TFAP2C: variants seen among roughly 807,000 people sequenced by gnomAD.
The protein encoded by TFAP2C is activating enhancer-binding protein 2 gamma.
Under a neutral mutation model 42.9 loss-of-function variants are expected in TFAP2C, and 9 were observed. The ratio of observed to expected loss-of-function variants is 0.21; its 90% confidence interval spans 0.13 to 0.37. The LOEUF (loss-of-function observed/expected upper bound fraction) is 0.37. Ranked by LOEUF, TFAP2C falls within the 10% of genes least tolerant of loss-of-function variation. The pLI, the probability that TFAP2C is intolerant of heterozygous loss-of-function variation, is 1.00. For missense variants in TFAP2C, 462 were observed against 591.7 expected (o/e 0.78, Z 2.27); for synonymous variants, 264 against 256.0 (o/e 1.03, Z -0.30).
At chr20:56,635,002 G>A (rs1235336004) in intron 5 of TFAP2C, among the ~76,000 whole-genome samples, 1 of 152,218 alleles carries the variant, frequency 6.6e-6, no homozygotes, top group African/African-American at 2.4e-5. Context: ...AGAGTTGGAC[G>A]CTGAGAGAGG....
In TFAP2C at chr20:56,636,671, A is replaced by G. The variant is rs1568753271; in HGVS notation, c.984A>G (p.Lys328=). Residue 328 remains lysine (K), a synonymous_variant, in exon 6 of 7, where the codon AAA becomes AAG. Transcript: ENST00000201031. ...TCTGTGAAGCCGAATTTCCTAGTAA[A>G]CCAGTGGCAGAATATTTAACCAGAC... ...AYVCEAEFPS[K]PVAEYLTRPH... is the part of the protein sequence containing the mutation. 6.2e-7 allele frequency: 1 copy of G among 1,614,164 alleles called. No individual in the cohort carries two copies. The highest frequency in any genetic ancestry group is 8.5e-7 in the Non-Finnish European group (1 of 1,180,034).
chr20:56,636,463 T>G (rs1987584927), intron 5 of TFAP2C, 147 bp from the exon 6 acceptor site: 1 of 770,752 alleles, frequency 1.3e-6, no homozygotes, highest in Non-Finnish European at 2.0e-6. Flanking sequence ...GAGGTGGAGG[T>G]TGCAGTGAGC....
chr20:56,634,613 T>C (rs750745972), intron 5 of TFAP2C, among the ~76,000 whole-genome samples: 55 of 152,178 alleles, frequency 3.6e-4, no homozygotes, highest in Non-Finnish European at 7.1e-4. Flanking sequence ...GATCATTTGG[T>C]ACACCTTGAG....
chr20:56,631,699 C>T lies in TFAP2C; in HGVS notation c.534+9C>T. ...AGATGGACGAGGTGCAGGTGAGCGG[C>T]GCTGCGGCTCCTGACCGGACCTGTT... On this transcript the variant is annotated intron_variant, in intron 2 of 6. Coordinates refer to ENST00000201031, the MANE Select transcript of TFAP2C (RefSeq NM_003222.4). This position sits in a 1 kb window ranked among gnomAD's most constrained non-coding sequence, Gnocchi z 6.1. 2 of 1,594,294 alleles carry T rather than the reference C, an allele frequency of 1.3e-6. No homozygotes were observed. Among genetic ancestry groups the T allele is most frequent in the South Asian group, 1.1e-5 (1 of 88,146 alleles).
rs945700531 is a variant in TFAP2C at position 56,630,708 on chromosome 20, C to T, written c.49-497C>T. 2 of 985,226 alleles carry T rather than the reference C, an allele frequency of 2.0e-6. No individual in the cohort carries two copies. The highest frequency in any genetic ancestry group is 3.5e-5 in the African/African-American group (2 of 57,234). 61.0% of individuals were successfully genotyped at this position (985,226 alleles called of 1,614,324 possible). Reference sequence around the variant, plus strand: ...CCCGAGGGCGTGGAAGGGAGGGTCCCGGGGGCGGGGGAGGTGCGCATTTCC... The same window carrying T: ...CCCGAGGGCGTGGAAGGGAGGGTCCTGGGGGCGGGGGAGGTGCGCATTTCC... On this transcript the variant is annotated intron_variant, in intron 1 of 6. Transcript: ENST00000201031. This position sits in a 1 kb window ranked among gnomAD's most constrained non-coding sequence, Gnocchi z 5.1.
chr20:56,633,215 AGTC>A, intron 3 of TFAP2C, 135 bp from the exon 4 acceptor site: 2 of 630,272 alleles, frequency 3.2e-6, no homozygotes, highest in Admixed American at 6.0e-5. Context: ...TTTTAAATAA[AGTC>A]AGCCTGCAGT....
chr20:56,631,696 C>T lies in TFAP2C; in HGVS notation c.534+6C>T. The T allele has an allele frequency of 2.5e-6, 4 of 1,591,336 alleles. No homozygotes were observed. The highest frequency in any genetic ancestry group is 1.7e-5 in the Admixed American group (1 of 58,632). On this transcript the variant is annotated splice_donor_region_variant and intron_variant, in intron 2 of 6. Transcript: ENST00000201031. This position sits in a 1 kb window ranked among gnomAD's most constrained non-coding sequence, Gnocchi z 6.1. ...ACCAGATGGACGAGGTGCAGGTGAG[C>T]GGCGCTGCGGCTCCTGACCGGACCT...
In TFAP2C at chr20:56,636,537, A is replaced by AG. The variant is rs1268427056; in HGVS notation, c.923-73_923-72insG. 1,834 of 1,513,664 alleles carry AG rather than the reference A, an allele frequency of 1.2e-3. 2 individuals carry two copies. The highest frequency in any genetic ancestry group is 1.5e-3 in the Non-Finnish European group (1,717 of 1,129,506). 93.8% of individuals were successfully genotyped at this position (1,513,664 alleles called of 1,614,324 possible). A position where few individuals can be genotyped will look rare whatever the true frequency, so the allele number is the denominator to read the frequency against. On this transcript the variant is annotated intron_variant, in intron 5 of 6. Transcript: ENST00000201031. ...CGAGACTCCGTGTCAAAAAAAAAAA[A>AG]AAAGAGAGAGGAAAAGGGCAGTTTG... is the stretch of plus-strand genomic sequence containing the variant.
chr20:56,633,633 A>C, intron 4 of TFAP2C, 64 bp downstream of exon 4: 2 of 1,247,700 alleles, frequency 1.6e-6, no homozygotes. Context: ...TCAGAGGCCC[A>C]GGAGGTATTT....
At chr20:56,634,031 A>G in intron 4 of TFAP2C, 119 bp from the exon 5 acceptor site, 2 of 706,714 alleles carry the variant, frequency 2.8e-6, no homozygotes, top group Non-Finnish European at 5.0e-6. Context: ...TGATGTAGAT[A>G]GTCTTTGATG....
intron 6 of TFAP2C, 51 bp from the exon 7 acceptor site, chr20:56,637,677 A>C: frequency 6.3e-7 from 1 of 1,588,930 alleles, no homozygotes. Flanking sequence ...TGTGCTCTTG[A>C]CCTGTAAGGA....
At chr20:56,634,982 G>C (rs2146448564) in intron 5 of TFAP2C, among the ~76,000 whole-genome samples, 1 of 152,314 alleles carries the variant, frequency 6.6e-6, no homozygotes, top group African/African-American at 2.4e-5. Context: ...TGTTGTTACT[G>C]CTCCCGGGAA....
rs1987477420 is a variant in TFAP2C at position 56,630,985 on chromosome 20, C to T, written c.49-220C>T. The T allele has an allele frequency of 1.0e-6, 1 of 985,268 alleles. No individual in the cohort carries two copies. The highest frequency in any genetic ancestry group is 1.7e-5 in the African/African-American group (1 of 57,244). 61.0% of individuals were successfully genotyped at this position (985,268 alleles called of 1,614,324 possible). On this transcript the variant is annotated intron_variant, in intron 1 of 6. Transcript: ENST00000201031. The surrounding 1 kb of genome is among the most constrained non-coding windows in gnomAD (Gnocchi z 5.1). ...CGCCGGGCTTTGAGAACTCGTTCCCCCAGGTCTTTCACCAGACTCTCCTCC... is the reference window on the plus strand; with the variant it reads ...CGCCGGGCTTTGAGAACTCGTTCCCTCAGGTCTTTCACCAGACTCTCCTCC...
rs1899939779 is a variant in TFAP2C at position 56,630,135 on chromosome 20, G to C, written c.48+543G>C. 2 of 231,956 alleles carry C rather than the reference G, an allele frequency of 8.6e-6. No homozygotes were observed. 14.4% of individuals were successfully genotyped at this position (231,956 alleles called of 1,614,324 possible). A position where few individuals can be genotyped will look rare whatever the true frequency, so the allele number is the denominator to read the frequency against. On this transcript the variant is annotated intron_variant, in intron 1 of 6. Coordinates refer to ENST00000201031, the MANE Select transcript of TFAP2C (RefSeq NM_003222.4). This position sits in a 1 kb window ranked among gnomAD's most constrained non-coding sequence, Gnocchi z 5.1. ...GATGGGGCCGTAAGAGCTCGCGAGT[G>C]CTCCAGCCTGTCGGACAGGTTGAGC...
chr20:56,636,537 A>AAG, intron 5 of TFAP2C, 73 bp from the exon 6 acceptor site: 12 of 1,513,726 alleles, frequency 7.9e-6, no homozygotes, highest in Non-Finnish European at 1.1e-5. Flanking sequence ...AAAAAAAAAA[A>AAG]AAAGAGAGAG....
chr20:56,632,604 A>G (rs1987511822), intron 3 of TFAP2C, among the ~76,000 whole-genome samples: 1 of 152,216 alleles, frequency 6.6e-6, no homozygotes, highest in South Asian at 2.1e-4. Context: ...AGAAAAACTC[A>G]GAAAAGACTA....
In TFAP2C at chr20:56,629,325, C is replaced by T; in HGVS notation, c.-220C>T. On this transcript the variant is annotated 5_prime_UTR_variant, in exon 1 of 7. Coordinates refer to ENST00000201031, the MANE Select transcript of TFAP2C (RefSeq NM_003222.4). This position sits in a 1 kb window ranked among gnomAD's most constrained non-coding sequence, Gnocchi z 5.9. The stretch of plus-strand genomic sequence containing the variant: ...ATCGCCAGGACACACTGTTCGGGCG[C>T]GGCTTTCCCCGTCCGCGGAGCGGTC... 2.5e-6 allele frequency: 1 copy of T among 399,518 alleles called. No individual in the cohort carries two copies. Among genetic ancestry groups the T allele is most frequent in the Non-Finnish European group, 4.4e-6 (1 of 227,362 alleles). The allele number at this position is 399,518 out of a possible 1,614,324, so 24.7% of individuals were successfully genotyped here.
Position 56,630,457 on chromosome 20 carries a change from C to G in TFAP2C, c.49-748C>G, listed in dbSNP as rs1040900536. 3 of 387,414 alleles carry G rather than the reference C, an allele frequency of 7.7e-6. No homozygotes were observed. The highest frequency in any genetic ancestry group is 1.8e-5 in the South Asian group (1 of 56,160). The allele number at this position is 387,414 out of a possible 1,614,324, so 24.0% of individuals were successfully genotyped here. A position where few individuals can be genotyped will look rare whatever the true frequency, so the allele number is the denominator to read the frequency against. ...GGCCGCCCAGGGGCGAGGGAACGTGCGCGGGCAAGGCTGCCCAATTTCCAG... is the reference window on the plus strand; with the variant it reads ...GGCCGCCCAGGGGCGAGGGAACGTGGGCGGGCAAGGCTGCCCAATTTCCAG... On this transcript the variant is annotated intron_variant, in intron 1 of 6. Transcript: ENST00000201031. The surrounding 1 kb of genome is among the most constrained non-coding windows in gnomAD (Gnocchi z 5.1).
Position 56,637,956 on chromosome 20 carries a change from C to T in TFAP2C, c.1296C>T (p.Asp432=), listed in dbSNP as rs773443436. 3 of 1,613,998 alleles carry T rather than the reference C, an allele frequency of 1.9e-6. No individual in the cohort carries two copies. The highest frequency in any genetic ancestry group is 2.5e-6 in the Non-Finnish European group (3 of 1,179,920). ...ACAAATCCTACATGAACCCTGGAGA[C>T]CAGAGTCCAGCTGATTCTAACAAAA... The part of the protein sequence containing the change: ...VIDKSYMNPG[D]QSPADSNKTL... Residue 432 remains aspartate, a synonymous_variant, in exon 7 of 7, where the codon GAC becomes GAT. Transcript: ENST00000201031.
Sources: gnomAD v4.1 joint callset for allele counts (sites outside exome capture counted in the v4.1 genomes callset) on GRCh38, gnomAD v4.1.1 for gene constraint, Gnocchi (gnomAD v3.1) non-coding constraint, MANE v1.5 for transcripts, NCBI Gene and HGNC (gene_info 2026-07-23, HGNC 2026-07-21) for gene names.